IL33: variants seen among roughly 807,000 people sequenced by gnomAD.
IL33 encodes the protein interleukin 33.
Under a neutral mutation model 27.3 loss-of-function variants are expected in IL33, and 37 were observed. That is an observed-to-expected ratio of 1.36 (90% CI 1.04 to 1.78). The LOEUF (loss-of-function observed/expected upper bound fraction) is 1.78, where lower values mean the gene tolerates loss of function less well. Among genes scored for constraint, IL33 ranks in the 40% most tolerant of loss-of-function variants. The pLI is 0.00. For synonymous variants in IL33, 132 were observed against 102.9 expected (o/e 1.28, Z -1.71); for missense variants, 406 against 311.4 (o/e 1.30, Z -2.29).
At chr9:6,218,371 A>T (rs1320383933) in intron 1 of IL33, among the ~76,000 whole-genome samples, 1 of 152,040 alleles carries the variant, frequency 6.6e-6, no homozygotes, top group African/African-American at 2.4e-5. Context: ...GCAAACTTTC[A>T]CTTAGGGATT....
At chr9:6,240,751 T>C (rs556959898) in intron 1 of IL33, among the ~76,000 whole-genome samples, 1 of 152,308 alleles carries the variant, frequency 6.6e-6, no homozygotes, top group East Asian at 1.9e-4. Context: ...ACTAAATTTA[T>C]TTAAAATTGT....
rs752665980 is a variant in IL33 at position 6,250,454 on chromosome 9, C to T, written c.92-20C>T. The T allele has an allele frequency of 6.2e-7, 1 of 1,609,488 alleles. No individual in the cohort carries two copies. The highest frequency in any genetic ancestry group is 1.7e-5 in the Admixed American group (1 of 59,066). ...AGATGAATGGAATGAAACAGTCTCA[C>T]AAGTTTTTCAATTGTTTAGAATCCC... On this transcript the variant is annotated intron_variant, in intron 2 of 7. Coordinates refer to ENST00000682010, the MANE Select transcript of IL33 (RefSeq NM_033439.4).
chr9:6,252,885 G>A lies in IL33; in HGVS notation c.363G>A (p.Glu121=), dbSNP rs1340109308. The change falls in exon 5 of 8, where the codon GAG becomes GAA. Residue 121 remains glutamate (E), a synonymous_variant. Coordinates refer to ENST00000682010, the MANE Select transcript of IL33 (RefSeq NM_033439.4). The stretch of plus-strand genomic sequence containing the variant: ...CAACAGGAATTTCACCTATTACAGA[G>A]TATCTTGCTTCTCTAAGCACATACA... ...SSITGISPIT[E]YLASLSTYND... 1 of 1,606,694 alleles carries A rather than the reference G, an allele frequency of 6.2e-7. No homozygotes were observed. Among genetic ancestry groups the A allele is most frequent in the Non-Finnish European group, 8.5e-7 (1 of 1,177,586 alleles).
At chr9:6,253,017 A>G (rs1228337148) in intron 5 of IL33, 26 bp downstream of exon 5, 1 of 1,341,542 alleles carries the variant, frequency 7.5e-7, no homozygotes, top group East Asian at 2.5e-5. Context: ...TTTCTATAAT[A>G]ATGTAATAAT....
At chr9:6,228,441 A>G (rs910408229) in intron 1 of IL33, among the ~76,000 whole-genome samples, 1 of 152,238 alleles carries the variant, frequency 6.6e-6, no homozygotes, top group African/African-American at 2.4e-5. Flanking sequence ...AATGCATTTA[A>G]AAAGTAAAAG....
intron 1 of IL33, among the ~76,000 whole-genome samples, chr9:6,216,695 G>A (rs1402090275): frequency 6.6e-6 from 1 of 152,064 alleles, no homozygotes; most frequent in African/African-American, 2.4e-5. Context: ...TTGCAGTGAG[G>A]CAAGATCATG....
At chr9:6,231,474 G>A (rs565347902) in intron 1 of IL33, among the ~76,000 whole-genome samples, 2 of 152,220 alleles carry the variant, frequency 1.3e-5, no homozygotes, top group African/African-American at 4.8e-5. Flanking sequence ...TGTTCCTCAC[G>A]CCCTTTGGGT....
At chr9:6,247,195 C>T (rs908934089) in intron 2 of IL33, among the ~76,000 whole-genome samples, 51 of 152,050 alleles carry the variant, frequency 3.4e-4, no homozygotes, top group African/African-American at 1.2e-3. Flanking sequence ...AAGTCAAAAC[C>T]CTGAGGAAAA....
At chr9:6,248,409 A>T (rs2130393517) in intron 2 of IL33, among the ~76,000 whole-genome samples, 1 of 151,782 alleles carries the variant, frequency 6.6e-6, no homozygotes, top group Non-Finnish European at 1.5e-5. Context: ...TTATCATGGG[A>T]GTGGTTTGGT....
intron 1 of IL33, among the ~76,000 whole-genome samples, chr9:6,218,031 A>AT (rs1431852862): frequency 3.9e-5 from 6 of 152,196 alleles, no homozygotes; most frequent in African/African-American, 1.4e-4. Flanking sequence ...CACCCAGAAA[A>AT]TGTACCTCTC....
At chr9:6,253,632 C>T in intron 6 of IL33, 30 bp downstream of exon 6, 1 of 1,557,732 alleles carries the variant, frequency 6.4e-7, no homozygotes, top group Non-Finnish European at 8.8e-7. Context: ...AGCTGTAGTG[C>T]TTGAATTCTT....
At chr9:6,233,088 A>T (rs1172156854) in intron 1 of IL33, among the ~76,000 whole-genome samples, 1 of 152,046 alleles carries the variant, frequency 6.6e-6, no homozygotes, top group East Asian at 1.9e-4. Flanking sequence ...AACCATAACC[A>T]CTCTCCATCT....
intron 1 of IL33, among the ~76,000 whole-genome samples, chr9:6,217,039 G>T (rs1818178124): frequency 6.6e-6 from 1 of 151,984 alleles, no homozygotes; most frequent in Non-Finnish European, 1.5e-5. Context: ...TAGTTTGATG[G>T]GCAAAGGGCT....
At chr9:6,248,777 C>T (rs752810727) in intron 2 of IL33, among the ~76,000 whole-genome samples, 10 of 151,704 alleles carry the variant, frequency 6.6e-5, no homozygotes, top group Non-Finnish European at 1.5e-4. Flanking sequence ...GACGGTCTTA[C>T]TGTGTTGCCC....
At chr9:6,237,974 A>G (rs1011035597) in intron 1 of IL33, among the ~76,000 whole-genome samples, 5 of 152,212 alleles carry the variant, frequency 3.3e-5, no homozygotes, top group African/African-American at 9.6e-5. Flanking sequence ...TATTATTCCA[A>G]ATGCGTGATT....
Position 6,253,039 on chromosome 9 carries a change from G to C in IL33, c.469+48G>C, listed in dbSNP as rs368725416. The C allele has an allele frequency of 3.9e-4, 477 of 1,219,272 alleles. 7 individuals carry two copies. The South Asian group carries it at 6.8e-3, about 17-fold the overall frequency. 75.5% of individuals were successfully genotyped at this position (1,219,272 alleles called of 1,614,324 possible). ...AATAATGTAATAATGACTAATAAAA[G>C]TAAAACATTTTAATAAATCTACCAA... On this transcript the variant is annotated intron_variant, in intron 5 of 7. Coordinates refer to ENST00000682010, the MANE Select transcript of IL33 (RefSeq NM_033439.4).
At chr9:6,246,191 T>G (rs1205821490) in intron 2 of IL33, among the ~76,000 whole-genome samples, 6 of 152,052 alleles carry the variant, frequency 3.9e-5, no homozygotes, top group Non-Finnish European at 8.8e-5. Flanking sequence ...AAAGACATTT[T>G]TTATTATAAG....
At chr9:6,238,752 G>T (rs1819369454) in intron 1 of IL33, among the ~76,000 whole-genome samples, 1 of 152,154 alleles carries the variant, frequency 6.6e-6, no homozygotes, top group Admixed American at 6.6e-5. Context: ...AAAAGAAGAA[G>T]CAATAATTAT....
intron 2 of IL33, among the ~76,000 whole-genome samples, chr9:6,248,007 C>A (rs78100995): frequency 1.3e-5 from 2 of 151,918 alleles, no homozygotes; most frequent in Non-Finnish European, 2.9e-5. Flanking sequence ...CCTGTTCCCC[C>A]CAGAGTCCAC....
Sources: allele counts gnomAD v4.1 joint callset (sites outside exome capture counted in the v4.1 genomes callset), GRCh38; gene constraint gnomAD v4.1.1; transcripts MANE v1.5; gene names NCBI Gene and HGNC (gene_info 2026-07-23, HGNC 2026-07-21).